LYPLA1: variants seen among roughly 807,000 people sequenced by gnomAD.
LYPLA1 encodes the protein lysophospholipase 1.
LYPLA1 carries 17 observed loss-of-function variants against 34.0 expected under a neutral mutation model. That is an observed-to-expected ratio of 0.50 (90% CI 0.34 to 0.75). The LOEUF (loss-of-function observed/expected upper bound fraction) is 0.75. Ranked by LOEUF, LYPLA1 falls within the 30% of genes least tolerant of loss-of-function variation. LYPLA1 has a pLI of 0.01. For missense variants in LYPLA1, 203 were observed against 288.8 expected, an observed-to-expected ratio of 0.70 and a Z score of 2.15; for synonymous variants, 98 against 100.8, an observed-to-expected ratio of 0.97 and a Z score of 0.17.
At chr8:54,080,580 A>T (rs537901724) in intron 2 of LYPLA1, among the ~76,000 whole-genome samples, 1 of 152,200 alleles carries the variant, frequency 6.6e-6, no homozygotes, top group East Asian at 1.9e-4. Context: ...AAATGTAAAT[A>T]TATTTATTTA....
At chr8:54,097,390 A>G (rs896733533) in intron 2 of LYPLA1, among the ~76,000 whole-genome samples, 1 of 152,224 alleles carries the variant, frequency 6.6e-6, no homozygotes, top group Non-Finnish European at 1.5e-5. Context: ...ATGTCGTGAA[A>G]GACAAAAGAA....
chr8:54,100,911 G>C lies in LYPLA1; in HGVS notation c.98C>G (p.Thr33Ser). The stretch of plus-strand genomic sequence containing the variant: ...TATTAATAATAATGGTACCTACCCA[G>C]TATCTCCCAATCCATGCAGGAAAAT... ...AVIFLHGLGD[T>S]GHGWAEAFAG... The change falls in exon 2 of 9, where the codon ACT becomes AGT. Residue 33 changes from threonine (T) to serine (S), a missense_variant. Thr to Ser is a moderately conservative substitution (Grantham distance 58). Transcript: ENST00000316963. 6.2e-7 allele frequency: 1 copy of C among 1,609,496 alleles called. No homozygotes were observed. The highest frequency in any genetic ancestry group is 8.5e-7 in the Non-Finnish European group (1 of 1,176,008).
intron 2 of LYPLA1, among the ~76,000 whole-genome samples, chr8:54,066,184 G>A (rs970508937): frequency 4.6e-5 from 7 of 151,972 alleles, no homozygotes; most frequent in Admixed American, 2.0e-4. Context: ...TGATCCGCTC[G>A]CCTCGGCCTC....
At chr8:54,056,762 A>C (rs550928694) in intron 5 of LYPLA1, among the ~76,000 whole-genome samples, 39 of 152,284 alleles carry the variant, frequency 2.6e-4, no homozygotes, top group African/African-American at 9.1e-4. Flanking sequence ...CAGATTAAAA[A>C]ATTAGCTGGG....
At chr8:54,086,438 T>TAAAAAAAAAAAAAAAAAAA (rs768755796) in intron 2 of LYPLA1, among the ~76,000 whole-genome samples, 1 of 34,692 alleles carries the variant, frequency 2.9e-5, no homozygotes, top group Non-Finnish European at 5.3e-5. Context: ...CTAAAAAAAT[T>TAAAAAAAAAAAAAAAAAAA]AAAAAAAAAA....
At chr8:54,062,153 C>T (rs543415372) in intron 5 of LYPLA1, 101 bp downstream of exon 5, 17 of 837,246 alleles carry the variant, frequency 2.0e-5, no homozygotes, top group African/African-American at 1.4e-4. Context: ...CCACCGTGCC[C>T]GGCCCAAATG....
At chr8:54,068,365 T>A (rs1807235203) in intron 2 of LYPLA1, among the ~76,000 whole-genome samples, 1 of 152,076 alleles carries the variant, frequency 6.6e-6, no homozygotes, top group South Asian at 2.1e-4. Context: ...TAGAACCCGA[T>A]CTAAAATTTG....
At chr8:54,075,787 T>C (rs749242786) in intron 2 of LYPLA1, among the ~76,000 whole-genome samples, 2 of 152,188 alleles carry the variant, frequency 1.3e-5, no homozygotes, top group Non-Finnish European at 2.9e-5. Context: ...GCTCCTATTA[T>C]TGAGGCATAC....
chr8:54,062,446 A>T (rs555284328), intron 4 of LYPLA1, 122 bp from the exon 5 acceptor site: 14 of 313,320 alleles, frequency 4.5e-5, no homozygotes, highest in Admixed American at 3.6e-4. Context: ...TATTTTATTT[A>T]ATTTATCTAT....
intron 2 of LYPLA1, among the ~76,000 whole-genome samples, chr8:54,098,829 C>T (rs1809888175): frequency 6.6e-6 from 1 of 152,194 alleles, no homozygotes; most frequent in Non-Finnish European, 1.5e-5. Flanking sequence ...TAAGGGGAGA[C>T]TACAATATCT....
intron 5 of LYPLA1, among the ~76,000 whole-genome samples, chr8:54,060,120 ATTTC>A (rs1267309482): frequency 2.3e-5 from 3 of 129,228 alleles, no homozygotes; most frequent in South Asian, 2.8e-4. Context: ...GCACCTGTGC[ATTTC>A]TTTCTTTCTT....
chr8:54,094,064 T>C (rs1004331815), intron 2 of LYPLA1, among the ~76,000 whole-genome samples: 4 of 152,260 alleles, frequency 2.6e-5, no homozygotes, highest in African/African-American at 9.6e-5. Context: ...TGTTGCCAAT[T>C]TATTTTAAAT....
At chr8:54,071,948 A>G (rs913688565) in intron 2 of LYPLA1, among the ~76,000 whole-genome samples, 1 of 152,210 alleles carries the variant, frequency 6.6e-6, no homozygotes, top group Non-Finnish European at 1.5e-5. Context: ...AGCAAAAAGA[A>G]CAAAGCTGGA....
intron 2 of LYPLA1, chr8:54,073,266 A>T: frequency 1.1e-6 from 1 of 877,308 alleles, no homozygotes; most frequent in East Asian, 2.4e-5. Context: ...TGAATGGGGG[A>T]ACCTGCATGC....
At chr8:54,063,458 G>T in intron 3 of LYPLA1, 83 bp from the exon 4 acceptor site, 1 of 796,222 alleles carries the variant, frequency 1.3e-6, no homozygotes, top group Non-Finnish European at 2.0e-6. Flanking sequence ...ACAGATAATT[G>T]CTTGAGACCT....
chr8:54,063,734 G>A (rs1159656252), intron 3 of LYPLA1, among the ~76,000 whole-genome samples: 1 of 152,194 alleles, frequency 6.6e-6, no homozygotes, highest in Non-Finnish European at 1.5e-5. Context: ...GACAATGAGT[G>A]ATTTATTACA....
In LYPLA1 at chr8:54,101,145, T is replaced by G. The variant is rs1586196794; in HGVS notation, c.70-206A>C. On this transcript the variant is annotated intron_variant, in intron 1 of 8. Coordinates refer to ENST00000316963, the MANE Select transcript of LYPLA1 (RefSeq NM_006330.4). ...TCCCTTTATTTCCTGAGATAATGAA[T>G]GGGGGGGGGGTAGCACTGAGAGGTC... Among the ~76,000 whole-genome samples the G allele has an allele frequency of 8.2e-5, 11 of 134,648 alleles. 1 individual carries two copies. Among genetic ancestry groups the G allele is most frequent in the South Asian group, 2.6e-4 (1 of 3,908 alleles). 88.3% of individuals were successfully genotyped at this position (134,648 alleles called of 152,430 possible). A position where few individuals can be genotyped will look rare whatever the true frequency, so the allele number is the denominator to read the frequency against.
chr8:54,101,887 G>A lies in LYPLA1; in HGVS notation c.-64C>T, dbSNP rs962244283. The stretch of plus-strand genomic sequence containing the variant: ...GGGCGCCCGGCCGCGGCCCAAGGGC[G>A]TGCGAGCGGCGAGTCCCGGCCGGCC... On this transcript the variant is annotated 5_prime_UTR_variant, in exon 1 of 9. It adds an upstream start codon to the 5' untranslated region. Transcript: ENST00000316963. 9.5e-7 allele frequency: 1 copy of A among 1,054,038 alleles called. No homozygotes were observed. The highest frequency in any genetic ancestry group is 4.1e-5 in the East Asian group (1 of 24,374). 65.3% of individuals were successfully genotyped at this position (1,054,038 alleles called of 1,614,324 possible). A position where few individuals can be genotyped will look rare whatever the true frequency, so the allele number is the denominator to read the frequency against.
intron 5 of LYPLA1, among the ~76,000 whole-genome samples, chr8:54,060,368 G>A (rs1318165414): frequency 2.0e-5 from 3 of 151,970 alleles, no homozygotes; most frequent in Admixed American, 6.6e-5. Context: ...CAGGCGATCC[G>A]CCTGCCTCAG....
Sources: gnomAD v4.1 joint callset for allele counts (sites outside exome capture counted in the v4.1 genomes callset) on GRCh38, gnomAD v4.1.1 for gene constraint, MANE v1.5 for transcripts, NCBI Gene and HGNC (gene_info 2026-07-23, HGNC 2026-07-21) for gene names.